The following ADARB1 variants were observed in gnomAD, a reference collection of about 807,000 sequenced individuals.
ADARB1 encodes double-stranded RNA-specific editase 1.
ADARB1 carries 10 observed loss-of-function variants against 52.4 expected under a neutral mutation model. The ratio of observed to expected loss-of-function variants is 0.19; its 90% CI spans 0.12 to 0.32. The LOEUF (loss-of-function observed/expected upper bound fraction) is 0.32. Among genes scored for constraint, ADARB1 ranks in the 10% least tolerant of loss-of-function variants. ADARB1 has a pLI of 1.00. For synonymous variants in ADARB1, 349 were observed against 371.1 expected (o/e 0.94, Z 0.68); for missense variants, 643 against 922.3 (o/e 0.70, Z 3.92).
intron 1 of ADARB1, among the ~76,000 whole-genome samples, chr21:45,102,538 C>T (rs1249344950): frequency 6.6e-6 from 1 of 152,110 alleles, no homozygotes; most frequent in Non-Finnish European, 1.5e-5. Flanking sequence ...GCCAGGAATG[C>T]CAAGGAAATG....
intron 4 of ADARB1, chr21:45,177,150 C>T (rs1184319468): frequency 2.5e-5 from 4 of 159,370 alleles, no homozygotes; most frequent in Admixed American, 5.9e-5. Flanking sequence ...AAGATGGCAG[C>T]CTCTGGGCTC....
chr21:45,142,930 G>T lies in ADARB1; in HGVS notation c.-48+14357G>T, dbSNP rs1432831525. 6.6e-6 allele frequency among the ~76,000 whole-genome samples: 1 copy of T among 152,140 alleles called. No homozygotes were observed. On this transcript the variant is annotated intron_variant, in intron 2 of 10. Coordinates refer to ENST00000348831, the MANE Select transcript of ADARB1 (RefSeq NM_001112.4). The surrounding 1 kb of genome is among the most constrained non-coding windows in gnomAD (Gnocchi z 4.0). ...ACTTTACCAACACCATGGCCATGCT[G>T]CACAGCTGTGCAGCCTCCACCCACA...
intron 1 of ADARB1, among the ~76,000 whole-genome samples, chr21:45,107,449 A>T (rs2087309094): frequency 6.6e-6 from 1 of 152,224 alleles, no homozygotes; most frequent in South Asian, 2.1e-4. Context: ...GCTCTACTAG[A>T]TATTAAAACA....
At position 45,220,265 on chromosome 21, in the gene ADARB1, T is replaced by C. The variant is rs1219567448; in HGVS notation, c.1748-571T>C. Among the ~76,000 whole-genome samples, 1 of 152,216 alleles carries C rather than the reference T, an allele frequency of 6.6e-6. No individual in the cohort carries two copies. Among genetic ancestry groups the C allele is most frequent in the African/African-American group, 2.4e-5 (1 of 41,456 alleles). ...CATAATAAGCATTTTCCATGAACTT[T>C]TTCAAGACTCTTGTTAAGAATTAGG... On this transcript the variant is annotated intron_variant, in intron 9 of 10. Coordinates refer to ENST00000348831, the MANE Select transcript of ADARB1 (RefSeq NM_001112.4). The surrounding 1 kb of genome is among the most constrained non-coding windows in gnomAD (Gnocchi z 6.3).
At chr21:45,084,890 A>T (rs920336519) in intron 1 of ADARB1, among the ~76,000 whole-genome samples, 2 of 152,164 alleles carry the variant, frequency 1.3e-5, no homozygotes, top group Non-Finnish European at 2.9e-5. Context: ...GATTTCCTTG[A>T]AAAAAGGAAT....
chr21:45,087,138 G>A (rs1446212530), intron 1 of ADARB1, among the ~76,000 whole-genome samples: 1 of 152,152 alleles, frequency 6.6e-6, no homozygotes, highest in Non-Finnish European at 1.5e-5. Flanking sequence ...GTACGGTTGG[G>A]CATATTAAAA....
intron 8 of ADARB1, among the ~76,000 whole-genome samples, chr21:45,188,555 C>A (rs11088983): frequency 2.6e-5 from 4 of 151,802 alleles, no homozygotes; most frequent in Non-Finnish European, 5.9e-5. Flanking sequence ...CTTTCACTTT[C>A]GGCCTATGTA....
At chr21:45,137,288 T>C (rs1893562) in intron 2 of ADARB1, 82,461 of 151,956 alleles carry the variant, frequency 0.54, 22,468 homozygotes, top group East Asian at 0.64. Context: ...CAGATTCCCC[T>C]GTGTAAGGTG....
chr21:45,225,787 A>G lies in ADARB1; in HGVS notation c.*3590A>G. 5.0e-6 allele frequency: 2 copies of G among 396,662 alleles called. No individual in the cohort carries two copies. The highest frequency in any genetic ancestry group is 8.9e-6 in the Non-Finnish European group (2 of 225,952). 24.6% of individuals were successfully genotyped at this position (396,662 alleles called of 1,614,324 possible). On this transcript the variant is annotated 3_prime_UTR_variant, in exon 11 of 11. Coordinates refer to ENST00000348831, the MANE Select transcript of ADARB1 (RefSeq NM_001112.4). The stretch of plus-strand genomic sequence containing the variant: ...TTCTGTAAAATTATAGACTTGCTCA[A>G]AAGATTCCTTTTTATCATCCCCACG...
chr21:45,200,509 C>T lies in ADARB1; in HGVS notation c.1566-4046C>T, dbSNP rs895853560. Among the ~76,000 whole-genome samples, 3 of 152,120 alleles carry T rather than the reference C, an allele frequency of 2.0e-5. No individual in the cohort carries two copies. The highest frequency in any genetic ancestry group is 6.5e-5 in the Admixed American group (1 of 15,280). On this transcript the variant is annotated intron_variant, in intron 8 of 10. Transcript: ENST00000348831. This position sits in a 1 kb window ranked among gnomAD's most constrained non-coding sequence, Gnocchi z 5.0. ...GACCAGCAGCCTGTCTATTCAGAGT[C>T]GGCTATGGCAAGGGGGCCAGAGCAC...
At chr21:45,169,085 G>A (rs965544934) in intron 2 of ADARB1, among the ~76,000 whole-genome samples, 1 of 152,204 alleles carries the variant, frequency 6.6e-6, no homozygotes, top group African/African-American at 2.4e-5. Context: ...GCTCCATCTG[G>A]AGCCTTCACT....
chr21:45,126,114 T>C (rs1056632739), intron 1 of ADARB1, among the ~76,000 whole-genome samples: 1 of 152,238 alleles, frequency 6.6e-6, no homozygotes, highest in Non-Finnish European at 1.5e-5. Context: ...CTCAGACATA[T>C]GGGACTTTCT....
intron 1 of ADARB1, among the ~76,000 whole-genome samples, chr21:45,096,095 C>G (rs1036164371): frequency 2.0e-5 from 3 of 152,228 alleles, no homozygotes; most frequent in African/African-American, 7.2e-5. Context: ...ATCCTTTATC[C>G]CAAATTAGAC....
rs1439741072 is a variant in ADARB1 at position 45,124,766 on chromosome 21, G to GGTGATGTGT, written c.-219-3633_-219-3632insATGTGTGTG. Among the ~76,000 whole-genome samples, 49 of 25,574 alleles carry GGTGATGTGT rather than the reference G, an allele frequency of 1.9e-3. 1 individual carries two copies. The highest frequency in any genetic ancestry group is 0.014 in the South Asian group (10 of 726). The allele number at this position is 25,574 out of a possible 152,430, so 16.8% of individuals were successfully genotyped here. Reference sequence around the variant, plus strand: ...AGTTGTATTTCTTTTCTTTTTAAATGGTGTGTGTGTGTGTGTGTGTATGTG... The same window carrying GGTGATGTGT: ...AGTTGTATTTCTTTTCTTTTTAAATGGTGATGTGTGTGTGTGTGTGTGTGTGTGTATGTG... On this transcript the variant is annotated intron_variant, in intron 1 of 10. Transcript: ENST00000348831.
At chr21:45,089,287 T>G (rs2086469860) in intron 1 of ADARB1, among the ~76,000 whole-genome samples, 1 of 152,200 alleles carries the variant, frequency 6.6e-6, no homozygotes, top group Non-Finnish European at 1.5e-5. Flanking sequence ...CTGTACTATT[T>G]TTCAGCCTTC....
At chr21:45,187,982 C>G (rs1332259615) in intron 8 of ADARB1, among the ~76,000 whole-genome samples, 2 of 152,014 alleles carry the variant, frequency 1.3e-5, no homozygotes, top group African/African-American at 4.8e-5. Context: ...GCTTTGATAT[C>G]AGGGTACTGC....
In ADARB1 at chr21:45,176,319, C is replaced by T; in HGVS notation, c.618C>T (p.Leu206=). 1.9e-6 allele frequency: 3 copies of T among 1,614,088 alleles called. No individual in the cohort carries two copies. Among genetic ancestry groups the T allele is most frequent in the Non-Finnish European group, 1.7e-6 (2 of 1,179,938 alleles). ...GDDSFSSSGD[L]SLSASPVPAS... ...ACTCCTTCAGTTCCAGCGGGGACCT[C>T]AGCTTGTCTGCTTCCCCGGTGCCTG... The change falls in exon 4 of 11, where the codon CTC becomes CTT. Residue 206 remains leucine (L), a synonymous_variant. Coordinates refer to ENST00000348831, the MANE Select transcript of ADARB1 (RefSeq NM_001112.4). The surrounding 1 kb of genome is among the most constrained non-coding windows in gnomAD (Gnocchi z 5.8).
chr21:45,136,660 C>T (rs1423585724), intron 2 of ADARB1, among the ~76,000 whole-genome samples: 9 of 152,246 alleles, frequency 5.9e-5, no homozygotes, highest in Non-Finnish European at 1.3e-4. Context: ...AACAGTAGAG[C>T]TGCCCCACCA....
chr21:45,087,379 A>T (rs1363489010), intron 1 of ADARB1, among the ~76,000 whole-genome samples: 1 of 152,204 alleles, frequency 6.6e-6, no homozygotes, highest in African/African-American at 2.4e-5. Flanking sequence ...GGGCACGTGG[A>T]TGTGAATGAG....
Sources: gnomAD v4.1 joint callset for allele counts (sites outside exome capture counted in the v4.1 genomes callset) on GRCh38, gnomAD v4.1.1 for gene constraint, Gnocchi (gnomAD v3.1) non-coding constraint, MANE v1.5 for transcripts, NCBI Gene and HGNC (gene_info 2026-07-23, HGNC 2026-07-21) for gene names.